Variants in GRM8 observed in about 807,000 individuals in gnomAD.
The protein encoded by GRM8 is metabotropic glutamate receptor 8.
In GRM8, 47 loss-of-function variants were observed where a neutral mutation model predicts 87.2. The observed-to-expected ratio is 0.54, with a 90% confidence interval of 0.43 to 0.69. The LOEUF (loss-of-function observed/expected upper bound fraction) is 0.69. Ranked by LOEUF, GRM8 falls within the 30% of genes least tolerant of loss-of-function variation. GRM8 has a pLI of 0.00. For synonymous variants in GRM8, 396 were observed against 404.5 expected (o/e 0.98, Z 0.25); for missense variants, 1,019 against 1,139.2 (o/e 0.89, Z 1.52).
chr7:127,011,050 A>G (rs1325676064), intron 3 of GRM8, among the ~76,000 whole-genome samples: 1 of 152,114 alleles, frequency 6.6e-6, no homozygotes, highest in Non-Finnish European at 1.5e-5. Context: ...ATTATACTAT[A>G]TCATTTTCTC....
intron 7 of GRM8, among the ~76,000 whole-genome samples, chr7:126,727,494 T>C (rs1297197384): frequency 1.3e-5 from 2 of 152,058 alleles, no homozygotes; most frequent in East Asian, 3.9e-4. Flanking sequence ...TCCATATAGG[T>C]AGATGTCCCA....
chr7:126,728,924 C>T (rs1218101111), intron 7 of GRM8, among the ~76,000 whole-genome samples: 6 of 152,152 alleles, frequency 3.9e-5, no homozygotes, highest in Admixed American at 6.5e-5. Context: ...CTGAGATAAT[C>T]GCTAGCCTCA....
At chr7:126,938,956 C>T (rs1275735547) in intron 3 of GRM8, among the ~76,000 whole-genome samples, 1 of 152,170 alleles carries the variant, frequency 6.6e-6, no homozygotes, top group Admixed American at 6.5e-5. Context: ...TAAGCCTCAG[C>T]TGTCTGTGCT....
intron 9 of GRM8, among the ~76,000 whole-genome samples, chr7:126,462,511 A>G (rs1804002334): frequency 1.3e-5 from 2 of 151,654 alleles, no homozygotes; most frequent in East Asian, 3.9e-4. Context: ...TTATATGTAT[A>G]AAATTATATC....
intron 2 of GRM8, among the ~76,000 whole-genome samples, chr7:127,111,362 A>G: frequency 6.6e-6 from 1 of 152,152 alleles, no homozygotes; most frequent in East Asian, 1.9e-4. Flanking sequence ...AGCAGAGATT[A>G]TTGTCTTCTA....
chr7:127,191,639 G>A (rs1344158131), intron 2 of GRM8, among the ~76,000 whole-genome samples: 1 of 152,126 alleles, frequency 6.6e-6, no homozygotes, highest in Non-Finnish European at 1.5e-5. Flanking sequence ...TCATCACACA[G>A]ATTTATGGGC....
intron 3 of GRM8, among the ~76,000 whole-genome samples, chr7:127,032,822 A>C (rs1397800958): frequency 6.6e-6 from 1 of 151,996 alleles, no homozygotes; most frequent in Non-Finnish European, 1.5e-5. Context: ...GAAGGATAAA[A>C]GTTTTCTATT....
intron 2 of GRM8, among the ~76,000 whole-genome samples, chr7:127,242,130 C>G (rs1361777258): frequency 6.6e-6 from 1 of 152,116 alleles, no homozygotes. Context: ...TCAGAGCAGT[C>G]TGAATTAATA....
At chr7:127,201,181 G>A (rs951959861) in intron 2 of GRM8, among the ~76,000 whole-genome samples, 1 of 152,178 alleles carries the variant, frequency 6.6e-6, no homozygotes, top group African/African-American at 2.4e-5. Flanking sequence ...GAGAAGGGAA[G>A]GAAGCTTACC....
chr7:126,943,279 A>G (rs527805293), intron 3 of GRM8, among the ~76,000 whole-genome samples: 27 of 152,272 alleles, frequency 1.8e-4, no homozygotes, highest in Non-Finnish European at 1.2e-4. Context: ...TTCAGTCCCA[A>G]CCAGTGCCCT....
At chr7:126,907,299 AG>A (rs1802814903) in intron 3 of GRM8, among the ~76,000 whole-genome samples, 1 of 139,552 alleles carries the variant, frequency 7.2e-6, no homozygotes, top group African/African-American at 2.8e-5. Flanking sequence ...GAGGAGGAAG[AG>A]GGAGGAGGAG....
At chr7:126,494,447 T>A (rs1013906351) in intron 9 of GRM8, among the ~76,000 whole-genome samples, 1 of 152,002 alleles carries the variant, frequency 6.6e-6, no homozygotes, top group Non-Finnish European at 1.5e-5. Context: ...TATGACATGA[T>A]AAAGACATCC....
intron 2 of GRM8, among the ~76,000 whole-genome samples, chr7:127,174,861 T>C (rs1563558569): frequency 6.6e-6 from 1 of 152,206 alleles, no homozygotes; most frequent in Non-Finnish European, 1.5e-5. Flanking sequence ...TCCATACTTC[T>C]GAAGCCTACA....
chr7:126,440,951 G>A (rs578208715), intron 10 of GRM8, among the ~76,000 whole-genome samples: 2 of 152,044 alleles, frequency 1.3e-5, no homozygotes, highest in East Asian at 1.9e-4. Flanking sequence ...ATATAAAAGT[G>A]CTAATCTTTA....
intron 7 of GRM8, among the ~76,000 whole-genome samples, chr7:126,693,239 T>C (rs904346183): frequency 6.6e-5 from 10 of 152,232 alleles, no homozygotes. Context: ...TATACTAACA[T>C]TATTATTCCT....
chr7:126,944,169 C>T (rs1340500913), intron 3 of GRM8, among the ~76,000 whole-genome samples: 2 of 152,220 alleles, frequency 1.3e-5, no homozygotes, highest in South Asian at 4.1e-4. Flanking sequence ...CTGACATGGG[C>T]ATTCCTCTGA....
chr7:127,185,609 G>T (rs900572166), intron 2 of GRM8, among the ~76,000 whole-genome samples: 1 of 152,198 alleles, frequency 6.6e-6, no homozygotes, highest in Non-Finnish European at 1.5e-5. Flanking sequence ...AAAAAAATTG[G>T]TAAGTTGGAT....
At chr7:126,608,939 G>A (rs758917613) in intron 8 of GRM8, among the ~76,000 whole-genome samples, 1 of 151,634 alleles carries the variant, frequency 6.6e-6, no homozygotes, top group Non-Finnish European at 1.5e-5. Flanking sequence ...AATTTTTTTT[G>A]TATTTTTAGT....
intron 7 of GRM8, among the ~76,000 whole-genome samples, chr7:126,755,415 C>CT (rs989915136): frequency 1.6e-4 from 24 of 151,606 alleles, no homozygotes; most frequent in African/African-American, 5.1e-4. Context: ...CAGTCAAAAG[C>CT]TTTTTTTTGC....
Sources: gnomAD v4.1 joint callset for allele counts (sites outside exome capture counted in the v4.1 genomes callset) on GRCh38, gnomAD v4.1.1 for gene constraint, MANE v1.5 for transcripts, NCBI Gene and HGNC (gene_info 2026-07-23, HGNC 2026-07-21) for gene names.